Variants in UGT2A3 observed in about 807,000 individuals in gnomAD.
UGT2A3 encodes UDP glucuronosyltransferase family 2 member A3.
UGT2A3 carries 55 observed loss-of-function variants against 44.1 expected under a neutral mutation model. That is an observed-to-expected ratio of 1.25 (90% confidence interval 1.00 to 1.56). The LOEUF (loss-of-function observed/expected upper bound fraction) is 1.56. UGT2A3 is among the 40% of genes most tolerant of loss of function. The probability of loss-of-function intolerance (pLI) is 0.00; values close to 1 mark genes in which losing one functional copy is unlikely to be tolerated. For missense variants in UGT2A3, 733 were observed against 621.6 expected (o/e 1.18, Z -1.91); for synonymous variants, 243 against 215.1 (o/e 1.13, Z -1.13).
At chr4:68,939,666 G>A (rs1718111647) in intron 2 of UGT2A3, among the ~76,000 whole-genome samples, 1 of 152,092 alleles carries the variant, frequency 6.6e-6, no homozygotes, top group Admixed American at 6.6e-5. Context: ...AACACCAAAA[G>A]CAATGGCAAC....
intron 1 of UGT2A3, among the ~76,000 whole-genome samples, chr4:68,948,598 T>A (rs192100176): frequency 6.6e-6 from 1 of 151,590 alleles, no homozygotes; most frequent in Non-Finnish European, 1.5e-5. Flanking sequence ...CAGATATGAA[T>A]CACTGCAGCT....
intron 1 of UGT2A3, among the ~76,000 whole-genome samples, chr4:68,950,477 AGCAAG>A (rs1355828670): frequency 6.6e-6 from 1 of 151,908 alleles, no homozygotes; most frequent in Non-Finnish European, 1.5e-5. Flanking sequence ...TTATCAGTAA[AGCAAG>A]GAAATAAAAA....
Position 68,951,312 on chromosome 4 carries a change from G to C in UGT2A3, c.449C>G (p.Pro150Arg). The C allele has an allele frequency of 6.2e-7, 1 of 1,612,446 alleles. No individual in the cohort carries two copies. Among genetic ancestry groups the C allele is most frequent in the Non-Finnish European group, 8.5e-7 (1 of 1,179,158 alleles). Residue 150 changes from proline (P) to arginine (R), a missense_variant, in exon 1 of 6, where the codon CCT (proline) becomes CGT (arginine). By Grantham distance (103) the Pro-to-Arg change is moderately radical (BLOSUM62 -2). Transcript: ENST00000251566. ...ETNYDVMLID[P>R]VIPCGDLMAE... ...CATCAGGTCTCCACAGGGAATCACA[G>C]GGTCTATAAGCATTACATCGTAGTT...
intron 1 of UGT2A3, among the ~76,000 whole-genome samples, chr4:68,948,761 C>T (rs1718475267): frequency 2.0e-5 from 3 of 151,836 alleles, no homozygotes; most frequent in Non-Finnish European, 4.4e-5. Flanking sequence ...TCTTGTTTAA[C>T]TGTTTGGTGC....
intron 2 of UGT2A3, among the ~76,000 whole-genome samples, chr4:68,935,079 G>A (rs1391419550): frequency 6.6e-6 from 1 of 151,120 alleles, no homozygotes; most frequent in Non-Finnish European, 1.5e-5. Context: ...CAGTAATAAA[G>A]TCTCATTAAA....
chr4:68,940,413 C>G (rs547784988), intron 2 of UGT2A3, among the ~76,000 whole-genome samples: 101 of 151,966 alleles, frequency 6.6e-4, no homozygotes, highest in Non-Finnish European at 1.1e-3. Flanking sequence ...ATGGATGAAG[C>G]TGAAAACAGT....
intron 2 of UGT2A3, among the ~76,000 whole-genome samples, chr4:68,941,540 G>C (rs1298962206): frequency 6.6e-6 from 1 of 151,854 alleles, no homozygotes; most frequent in African/African-American, 2.4e-5. Flanking sequence ...ACTACTAGAA[G>C]AAACTGTAGG....
chr4:68,942,244 C>T (rs1302740388), intron 2 of UGT2A3, among the ~76,000 whole-genome samples: 1 of 150,476 alleles, frequency 6.6e-6, no homozygotes, highest in Non-Finnish European at 1.5e-5. Context: ...TGAAGAAATA[C>T]ATAAAGAAAA....
At chr4:68,946,844 T>A (rs748993164) in intron 1 of UGT2A3, among the ~76,000 whole-genome samples, 1 of 151,828 alleles carries the variant, frequency 6.6e-6, no homozygotes, top group African/African-American at 2.4e-5. Flanking sequence ...CCAGGACATA[T>A]AAAAGTTATG....
chr4:68,947,728 AT>A (rs1374585991), intron 1 of UGT2A3, among the ~76,000 whole-genome samples: 2 of 151,824 alleles, frequency 1.3e-5, no homozygotes, highest in African/African-American at 4.8e-5. Context: ...GATGGATGTA[AT>A]AATAGCAAGC....
intron 2 of UGT2A3, 128 bp from the exon 3 acceptor site, chr4:68,932,887 C>A: frequency 1.1e-6 from 1 of 912,370 alleles, no homozygotes; most frequent in South Asian, 1.9e-5. Context: ...TCCCTATATG[C>A]TGACACACAG....
chr4:68,950,551 A>T (rs1486842003), intron 1 of UGT2A3, among the ~76,000 whole-genome samples: 3 of 151,844 alleles, frequency 2.0e-5, no homozygotes, highest in Non-Finnish European at 4.4e-5. Context: ...GCCCCACAAG[A>T]CCGTAAGTCT....
chr4:68,929,813 C>T lies in UGT2A3; in HGVS notation c.1584G>A (p.Ter528=), dbSNP rs367866016. The T allele has an allele frequency of 5.1e-6, 8 of 1,581,390 alleles. No individual in the cohort carries two copies. In the African/African-American group the frequency reaches 9.5e-5, roughly 19 times the overall value. ...AGGTCTTTCTTGAATTTGGAAAGATCTATTCCCTCTTTTCTATCTTTCTAG... is the reference window on the plus strand; with the variant it reads ...AGGTCTTTCTTGAATTTGGAAAGATTTATTCCCTCTTTTCTATCTTTCTAG... ...NKTRKIEKRE[*] The change falls in exon 6 of 6, where the codon TAG becomes TAA. Residue 528 remains the stop codon, a stop_retained_variant. Coordinates refer to ENST00000251566, the MANE Select transcript of UGT2A3 (RefSeq NM_024743.4).
At chr4:68,944,547 G>A (rs1434752632) in intron 2 of UGT2A3, among the ~76,000 whole-genome samples, 1 of 151,712 alleles carries the variant, frequency 6.6e-6, no homozygotes, top group Non-Finnish European at 1.5e-5. Flanking sequence ...TGATGATTTA[G>A]GAATATAGTA....
chr4:68,939,538 A>T (rs1238714656), intron 2 of UGT2A3, among the ~76,000 whole-genome samples: 3 of 152,174 alleles, frequency 2.0e-5, no homozygotes, highest in South Asian at 2.1e-4. Flanking sequence ...TCTTATACAA[A>T]AATTAATTTA....
intron 1 of UGT2A3, among the ~76,000 whole-genome samples, chr4:68,949,019 G>A (rs1018551473): frequency 1.3e-5 from 2 of 151,750 alleles, no homozygotes; most frequent in African/African-American, 4.8e-5. Flanking sequence ...GAAGGTGGAT[G>A]TTCCTGGCTC....
chr4:68,950,768 A>C (rs1246303493), intron 1 of UGT2A3, among the ~76,000 whole-genome samples: 4 of 151,888 alleles, frequency 2.6e-5, no homozygotes, highest in Non-Finnish European at 5.9e-5. Flanking sequence ...ACTAACAATC[A>C]GTGATTCTCA....
intron 1 of UGT2A3, among the ~76,000 whole-genome samples, chr4:68,947,079 T>C (rs1002567454): frequency 1.3e-5 from 2 of 151,710 alleles, no homozygotes; most frequent in Non-Finnish European, 3.0e-5. Context: ...ACAACAAAGA[T>C]TGTTGCATGA....
chr4:68,937,976 C>T (rs1577849604), intron 2 of UGT2A3, among the ~76,000 whole-genome samples: 1 of 152,054 alleles, frequency 6.6e-6, no homozygotes, highest in Admixed American at 6.6e-5. Context: ...CGGATGAATT[C>T]CTGGACACAT....
Sources: gnomAD v4.1 joint callset for allele counts (sites outside exome capture counted in the v4.1 genomes callset) on GRCh38, gnomAD v4.1.1 for gene constraint, MANE v1.5 for transcripts, NCBI Gene and HGNC (gene_info 2026-07-23, HGNC 2026-07-21) for gene names.